DCUN1D5: variants seen among roughly 807,000 people sequenced by gnomAD.
DCUN1D5 encodes DCN1-like protein 5.
In DCUN1D5, 10 loss-of-function variants were observed where a neutral mutation model predicts 38.3. The observed-to-expected ratio is 0.26, with a 90% CI of 0.16 to 0.44. The LOEUF (loss-of-function observed/expected upper bound fraction) is 0.44. Ranked by LOEUF, DCUN1D5 falls within the 20% of genes least tolerant of loss-of-function variation. The pLI is 1.00. For synonymous variants in DCUN1D5, 93 were observed against 90.9 expected, an observed-to-expected ratio of 1.02 and a Z score of -0.13; for missense variants, 148 against 275.3, an observed-to-expected ratio of 0.54 and a Z score of 3.27.
At position 103,086,267 on chromosome 11, in the gene DCUN1D5, C is replaced by A. The variant is rs1270234154; in HGVS notation, c.179-2941G>T. ...ATTTTGGAACACTGTAAAAAACACA[C>A]AACCAGTAAATCTGATGCTGTAATG... On this transcript the variant is annotated intron_variant, in intron 2 of 7. Coordinates refer to ENST00000260247, the MANE Select transcript of DCUN1D5 (RefSeq NM_032299.4). The surrounding 1 kb of genome is among the most constrained non-coding windows in gnomAD (Gnocchi z 4.1). Among the ~76,000 whole-genome samples, 1 of 152,090 alleles carries A rather than the reference C, an allele frequency of 6.6e-6. No homozygotes were observed. Among genetic ancestry groups the A allele is most frequent in the African/African-American group, 2.4e-5 (1 of 41,416 alleles).
rs1298068498 is a variant in DCUN1D5 at position 103,050,846 on chromosome 11, A to T, written c.*11513T>A. The T allele has an allele frequency of 6.6e-6, 1 of 152,240 alleles. No individual in the cohort carries two copies. Among genetic ancestry groups the T allele is most frequent in the African/African-American group, 2.4e-5 (1 of 41,460 alleles). 9.4% of individuals were successfully genotyped at this position (152,240 alleles called of 1,614,324 possible). A position where few individuals can be genotyped will look rare whatever the true frequency, so the allele number is the denominator to read the frequency against. ...CTCACAGTTAAGAAAACAGATATGT[A>T]AGTATGCTACTGTAATATGGTGTTA... is the stretch of plus-strand genomic sequence containing the variant. On this transcript the variant is annotated 3_prime_UTR_variant, in exon 8 of 8. Transcript: ENST00000260247.
chr11:103,091,944 C>A lies in DCUN1D5; in HGVS notation c.-72G>T, dbSNP rs1444367050. On this transcript the variant is annotated 5_prime_UTR_variant, in exon 1 of 8. Transcript: ENST00000260247. The surrounding 1 kb of genome is among the most constrained non-coding windows in gnomAD (Gnocchi z 4.3). ...TCCCTGTCCGCTGGAAGCCCCTCAG[C>A]GCTGGCACCCAGTTCCCAGAGACAG... The A allele has an allele frequency of 8.5e-6, 12 of 1,414,812 alleles. No homozygotes were observed. The highest frequency in any genetic ancestry group is 1.2e-5 in the Non-Finnish European group (12 of 1,037,364). The allele number at this position is 1,414,812 out of a possible 1,614,324, so 87.6% of individuals were successfully genotyped here.
In DCUN1D5 at chr11:103,051,960, A is replaced by G. The variant is rs1861750447; in HGVS notation, c.*10399T>C. 6.6e-6 allele frequency: 1 copy of G among 152,194 alleles called. No individual in the cohort carries two copies. Among genetic ancestry groups the G allele is most frequent in the Non-Finnish European group, 1.5e-5 (1 of 68,058 alleles). 9.4% of individuals were successfully genotyped at this position (152,194 alleles called of 1,614,324 possible). ...TCTGAAAATCCACTTTGACTATTTC[A>G]GTCCACAGAACTCACTCTCCTCTGA... On this transcript the variant is annotated 3_prime_UTR_variant, in exon 8 of 8. Transcript: ENST00000260247.
chr11:103,072,942 G>C (rs1351573757), intron 4 of DCUN1D5, among the ~76,000 whole-genome samples: 1 of 152,114 alleles, frequency 6.6e-6, no homozygotes, highest in Admixed American at 6.5e-5. Context: ...GATCAGAAAA[G>C]AGAAATAAAC....
rs1257600653 is a variant in DCUN1D5, at chr11:103,056,838, A to G, written c.*5521T>C. ...ATTTGTCAGAAAAAAATAAACTATCATAACTAACCACTTCTTGTTCAAGTA... is the reference window on the plus strand; with the variant it reads ...ATTTGTCAGAAAAAAATAAACTATCGTAACTAACCACTTCTTGTTCAAGTA... On this transcript the variant is annotated 3_prime_UTR_variant, in exon 8 of 8. Coordinates refer to ENST00000260247, the MANE Select transcript of DCUN1D5 (RefSeq NM_032299.4). The surrounding 1 kb of genome is among the most constrained non-coding windows in gnomAD (Gnocchi z 4.9). Among the ~76,000 whole-genome samples, 1 of 152,216 alleles carries G rather than the reference A, an allele frequency of 6.6e-6. No individual in the cohort carries two copies. The highest frequency in any genetic ancestry group is 1.9e-4 in the East Asian group (1 of 5,200).
chr11:103,077,304 C>G lies in DCUN1D5; in HGVS notation c.341+5444G>C, dbSNP rs2134622568. Among the ~76,000 whole-genome samples the G allele has an allele frequency of 6.6e-6, 1 of 152,262 alleles. No homozygotes were observed. The highest frequency in any genetic ancestry group is 2.1e-4 in the South Asian group (1 of 4,824). ...ACCAACATACCGAAGCAGTTACTAACAGCAATACAATTTTTATATCGAATC... is the reference window on the plus strand; with the variant it reads ...ACCAACATACCGAAGCAGTTACTAAGAGCAATACAATTTTTATATCGAATC... On this transcript the variant is annotated intron_variant, in intron 4 of 7. Transcript: ENST00000260247. The surrounding 1 kb of genome is among the most constrained non-coding windows in gnomAD (Gnocchi z 4.3).
chr11:103,082,985 A>G (rs1035252020), intron 3 of DCUN1D5, 146 bp from the exon 4 acceptor site: 2 of 667,220 alleles, frequency 3.0e-6, no homozygotes, highest in Middle Eastern at 4.1e-4. Context: ...AACTATATAC[A>G]AAGAAATTGA....
Position 103,062,484 on chromosome 11 carries a change from C to T in DCUN1D5, c.659-70G>A. The T allele has an allele frequency of 7.4e-7, 1 of 1,359,546 alleles. No individual in the cohort carries two copies. The highest frequency in any genetic ancestry group is 1.0e-6 in the Non-Finnish European group (1 of 960,134). The allele number at this position is 1,359,546 out of a possible 1,614,324, so 84.2% of individuals were successfully genotyped here. ...CTCTCCAATTATAAAACAAACTCCC[C>T]ACGAGCTCTGCAATGACAGAGGAAT... On this transcript the variant is annotated intron_variant, in intron 7 of 7. Transcript: ENST00000260247. The surrounding 1 kb of genome is among the most constrained non-coding windows in gnomAD (Gnocchi z 4.6).
In DCUN1D5 at chr11:103,091,642, G is replaced by C. The variant is rs1323197452; in HGVS notation, c.86+145C>G. ...GTCGGGTCGGGCGCGGAGACTCGCGGTGTTCGGCACCTACAGCCTAGCTCG... is the reference window on the plus strand; with the variant it reads ...GTCGGGTCGGGCGCGGAGACTCGCGCTGTTCGGCACCTACAGCCTAGCTCG... On this transcript the variant is annotated intron_variant, in intron 1 of 7. Transcript: ENST00000260247. This position sits in a 1 kb window ranked among gnomAD's most constrained non-coding sequence, Gnocchi z 4.3. 3.4e-6 allele frequency: 5 copies of C among 1,485,556 alleles called. No homozygotes were observed. Among genetic ancestry groups the C allele is most frequent in the Non-Finnish European group, 4.6e-6 (5 of 1,089,754 alleles). 92.0% of individuals were successfully genotyped at this position (1,485,556 alleles called of 1,614,324 possible).
rs1176777283 is a variant in DCUN1D5 at position 103,057,197 on chromosome 11, A to G, written c.*5162T>C. Among the ~76,000 whole-genome samples, 1 of 152,218 alleles carries G rather than the reference A, an allele frequency of 6.6e-6. No individual in the cohort carries two copies. Among genetic ancestry groups the G allele is most frequent in the Non-Finnish European group, 1.5e-5 (1 of 68,026 alleles). The stretch of plus-strand genomic sequence containing the variant: ...CATTTTATTTGCATGACAGAATAGT[A>G]AAGTATATAAACTAACTTCACTTAA... On this transcript the variant is annotated 3_prime_UTR_variant, in exon 8 of 8. Transcript: ENST00000260247. The surrounding 1 kb of genome is among the most constrained non-coding windows in gnomAD (Gnocchi z 4.8).
At position 103,066,744 on chromosome 11, in the gene DCUN1D5, T is replaced by C. The variant is rs1303518375; in HGVS notation, c.342-177A>G. 1.3e-5 allele frequency among the ~76,000 whole-genome samples: 2 copies of C among 151,002 alleles called. No homozygotes were observed. Among genetic ancestry groups the C allele is most frequent in the Non-Finnish European group, 3.0e-5 (2 of 67,782 alleles). Reference sequence around the variant, plus strand: ...AAATTTCTTGCCCTGCATCTACCAATGCAATAAAAAAAGAAAAAAGGGGAA... The same window carrying C: ...AAATTTCTTGCCCTGCATCTACCAACGCAATAAAAAAAGAAAAAAGGGGAA... On this transcript the variant is annotated intron_variant, in intron 4 of 7. Transcript: ENST00000260247. This position sits in a 1 kb window ranked among gnomAD's most constrained non-coding sequence, Gnocchi z 4.7.
In DCUN1D5 at chr11:103,061,823, G is replaced by T. The variant is rs1862018542; in HGVS notation, c.*536C>A. On this transcript the variant is annotated 3_prime_UTR_variant, in exon 8 of 8. Coordinates refer to ENST00000260247, the MANE Select transcript of DCUN1D5 (RefSeq NM_032299.4). Reference sequence around the variant, plus strand: ...TAGAAACCCAGAGCTAAAAGTAGGAGCATTTTTCCAATACCTAGAAATGTT... The same window carrying T: ...TAGAAACCCAGAGCTAAAAGTAGGATCATTTTTCCAATACCTAGAAATGTT... Among the ~76,000 whole-genome samples, 2 of 152,042 alleles carry T rather than the reference G, an allele frequency of 1.3e-5. No homozygotes were observed. Among genetic ancestry groups the T allele is most frequent in the Admixed American group, 1.3e-4 (2 of 15,256 alleles).
In DCUN1D5 at chr11:103,077,222, G is replaced by A. The variant is rs567330909; in HGVS notation, c.341+5526C>T. On this transcript the variant is annotated intron_variant, in intron 4 of 7. Coordinates refer to ENST00000260247, the MANE Select transcript of DCUN1D5 (RefSeq NM_032299.4). The surrounding 1 kb of genome is among the most constrained non-coding windows in gnomAD (Gnocchi z 4.3). ...CTCAAATAAAAAAAAAAGAATAAGA[G>A]CACAAACCTCCATATTTATTAACAG... 2.0e-4 allele frequency among the ~76,000 whole-genome samples: 30 copies of A among 151,974 alleles called. No individual in the cohort carries two copies. In the Middle Eastern group the frequency reaches 0.01, roughly 52 times the overall value.
rs1862866408 is a variant in DCUN1D5, at chr11:103,091,550, G to A, written c.86+237C>T. On this transcript the variant is annotated intron_variant, in intron 1 of 7. Coordinates refer to ENST00000260247, the MANE Select transcript of DCUN1D5 (RefSeq NM_032299.4). The surrounding 1 kb of genome is among the most constrained non-coding windows in gnomAD (Gnocchi z 4.3). ...TGTTCCCCACCCTGCAGGGCACGTAGACTCTTAACGTGGGCGGCTCTTCTA... is the reference window on the plus strand; with the variant it reads ...TGTTCCCCACCCTGCAGGGCACGTAAACTCTTAACGTGGGCGGCTCTTCTA... 1.7e-6 allele frequency: 1 copy of A among 587,186 alleles called. No homozygotes were observed. Among genetic ancestry groups the A allele is most frequent in the Non-Finnish European group, 3.0e-6 (1 of 335,402 alleles). The allele number at this position is 587,186 out of a possible 1,614,324, so 36.4% of individuals were successfully genotyped here.
In DCUN1D5 at chr11:103,091,521, C is replaced by A; in HGVS notation, c.86+266G>T. ...TGGGGGGAAGCGCAATTTACATATG[C>A]ATCTGTTCCCCACCCTGCAGGGCAC... On this transcript the variant is annotated intron_variant, in intron 1 of 7. Transcript: ENST00000260247. This position sits in a 1 kb window ranked among gnomAD's most constrained non-coding sequence, Gnocchi z 4.3. The A allele has an allele frequency of 2.1e-6, 1 of 467,990 alleles. No individual in the cohort carries two copies. The allele number at this position is 467,990 out of a possible 1,614,324, so 29.0% of individuals were successfully genotyped here. A position where few individuals can be genotyped will look rare whatever the true frequency, so the allele number is the denominator to read the frequency against.
chr11:103,068,866 A>G (rs1163402385), intron 4 of DCUN1D5, among the ~76,000 whole-genome samples: 1 of 152,210 alleles, frequency 6.6e-6, no homozygotes, highest in Non-Finnish European at 1.5e-5. Flanking sequence ...TTACAGTTCA[A>G]AAATACATGC....
chr11:103,071,248 A>G lies in DCUN1D5; in HGVS notation c.342-4681T>C, dbSNP rs1048254581. ...AACAGAAAAATCAATGCAACAAAGC[A>G]CATTGAAAAGATCAATAAAATTGAC... is the stretch of plus-strand genomic sequence containing the variant. On this transcript the variant is annotated intron_variant, in intron 4 of 7. Transcript: ENST00000260247. The surrounding 1 kb of genome is among the most constrained non-coding windows in gnomAD (Gnocchi z 4.1). Among the ~76,000 whole-genome samples the G allele has an allele frequency of 6.6e-6, 1 of 152,110 alleles. No homozygotes were observed. Among genetic ancestry groups the G allele is most frequent in the Non-Finnish European group, 1.5e-5 (1 of 67,962 alleles).
At chr11:103,069,368 C>G (rs1862215281) in intron 4 of DCUN1D5, among the ~76,000 whole-genome samples, 1 of 152,118 alleles carries the variant, frequency 6.6e-6, no homozygotes, top group African/African-American at 2.4e-5. Context: ...TCTTAGAAAA[C>G]AAACACTCTA....
rs1862467141 is a variant in DCUN1D5, at chr11:103,078,490, T to G, written c.341+4258A>C. Reference sequence around the variant, plus strand: ...TTCTCATAAGACTCTCAAAAGAGACTGTGACTTTAAAATATTAAAAACAAT... The same window carrying G: ...TTCTCATAAGACTCTCAAAAGAGACGGTGACTTTAAAATATTAAAAACAAT... On this transcript the variant is annotated intron_variant, in intron 4 of 7. Transcript: ENST00000260247. The surrounding 1 kb of genome is among the most constrained non-coding windows in gnomAD (Gnocchi z 4.6). 6.6e-6 allele frequency among the ~76,000 whole-genome samples: 1 copy of G among 152,232 alleles called. No homozygotes were observed. The highest frequency in any genetic ancestry group is 1.5e-5 in the Non-Finnish European group (1 of 68,036).
Sources: gnomAD v4.1 joint callset for allele counts (sites outside exome capture counted in the v4.1 genomes callset) on GRCh38, gnomAD v4.1.1 for gene constraint, Gnocchi (gnomAD v3.1) non-coding constraint, MANE v1.5 for transcripts, NCBI Gene and HGNC (gene_info 2026-07-23, HGNC 2026-07-21) for gene names.